PCSK5: variants seen among roughly 807,000 people sequenced by gnomAD.
PCSK5 encodes prohormone convertase 5.
PCSK5 carries 129 observed loss-of-function variants against 233.2 expected under a neutral mutation model. That is an observed-to-expected ratio of 0.55 (90% CI 0.48 to 0.64). PCSK5 has a LOEUF of 0.64. Among genes scored for constraint, PCSK5 ranks in the 30% least tolerant of loss-of-function variants. PCSK5 has a pLI of 0.00. For synonymous variants in PCSK5, 825 were observed against 879.2 expected (o/e 0.94, Z 1.09); for missense variants, 2,076 against 2,430.1 (o/e 0.85, Z 3.06).
At chr9:76,194,240 A>T (rs1342409951) in intron 20 of PCSK5, 3 of 145,558 alleles carry the variant, frequency 2.1e-5, no homozygotes, top group African/African-American at 7.6e-5. Context: ...CATTACCCCC[A>T]TTTTTTTTTT....
Position 76,190,263 on chromosome 9 carries a change from A to G in PCSK5, c.2626+517A>G, listed in dbSNP as rs1824307093. ...AACATGTATGCAACATTATAGCGCC[A>G]TGCAAAGTAGTTTTACTGCCCTGAA... is the stretch of plus-strand genomic sequence containing the variant. On this transcript the variant is annotated intron_variant, in intron 20 of 37. Coordinates refer to ENST00000674117, the MANE Select transcript of PCSK5 (RefSeq NM_001372043.1). Among the ~76,000 whole-genome samples the G allele has an allele frequency of 1.3e-5, 2 of 151,850 alleles. 1 individual carries two copies.
At chr9:76,064,338 G>A (rs1181404302) in intron 5 of PCSK5, among the ~76,000 whole-genome samples, 2 of 108,338 alleles carry the variant, frequency 1.8e-5, no homozygotes, top group South Asian at 7.4e-4. Context: ...CTCCCGGACG[G>A]GGCGGCTGGC....
chr9:76,258,490 G>GTGT (rs1028212465), intron 24 of PCSK5, among the ~76,000 whole-genome samples: 5 of 152,142 alleles, frequency 3.3e-5, no homozygotes, highest in Admixed American at 3.3e-4. Flanking sequence ...CAGATTTATT[G>GTGT]TGTTCAGCAG....
intron 20 of PCSK5, among the ~76,000 whole-genome samples, chr9:76,223,977 A>G (rs931054198): frequency 6.6e-6 from 1 of 152,206 alleles, no homozygotes; most frequent in African/African-American, 2.4e-5. Context: ...CTAATTAAAC[A>G]TCTACGTAAA....
intron 24 of PCSK5, among the ~76,000 whole-genome samples, chr9:76,241,144 A>T (rs1826417581): frequency 6.6e-6 from 1 of 152,214 alleles, no homozygotes; most frequent in Non-Finnish European, 1.5e-5. Context: ...TTTCCTTTAT[A>T]AAAATGACTC....
chr9:76,255,553 G>A (rs1162097110), intron 24 of PCSK5, among the ~76,000 whole-genome samples: 1 of 152,176 alleles, frequency 6.6e-6, no homozygotes, highest in Non-Finnish European at 1.5e-5. Context: ...AGGCTCAGTG[G>A]CTTACACCTG....
At chr9:76,164,694 CT>C (rs1228712705) in intron 12 of PCSK5, among the ~76,000 whole-genome samples, 1 of 152,202 alleles carries the variant, frequency 6.6e-6, no homozygotes, top group Non-Finnish European at 1.5e-5. Flanking sequence ...GATCATCCAG[CT>C]TTTTCATACA....
chr9:76,236,419 C>T (rs1204560923), intron 22 of PCSK5, among the ~76,000 whole-genome samples: 1 of 152,204 alleles, frequency 6.6e-6, no homozygotes, highest in Non-Finnish European at 1.5e-5. Context: ...CCTATTATCC[C>T]ATTTGAACTC....
intron 9 of PCSK5, among the ~76,000 whole-genome samples, chr9:76,115,550 G>T (rs1832389974): frequency 6.6e-6 from 1 of 152,034 alleles, no homozygotes; most frequent in Non-Finnish European, 1.5e-5. Context: ...TCTCTTGAGG[G>T]TTTGTGGATT....
chr9:76,002,381 G>A lies in PCSK5; in HGVS notation c.411+16136G>A, dbSNP rs142384778. ...CATATATCAAAATTATGTGATACAGGAGAGGATTTTTTTGCATGCAAATGA... is the reference window on the plus strand; with the variant it reads ...CATATATCAAAATTATGTGATACAGAAGAGGATTTTTTTGCATGCAAATGA... On this transcript the variant is annotated intron_variant, in intron 3 of 37. Coordinates refer to ENST00000674117, the MANE Select transcript of PCSK5 (RefSeq NM_001372043.1). 2.0e-5 allele frequency among the ~76,000 whole-genome samples: 3 copies of A among 152,264 alleles called. No individual in the cohort carries two copies. The East Asian group carries it at 5.8e-4, about 29-fold the overall frequency.
At chr9:76,125,530 A>G (rs1832813375) in intron 9 of PCSK5, among the ~76,000 whole-genome samples, 1 of 152,228 alleles carries the variant, frequency 6.6e-6, no homozygotes, top group Non-Finnish European at 1.5e-5. Flanking sequence ...TAATAACAGT[A>G]TTTGTCTCAC....
intron 2 of PCSK5, among the ~76,000 whole-genome samples, chr9:75,970,975 G>A (rs1825793183): frequency 6.6e-6 from 1 of 152,078 alleles, no homozygotes; most frequent in African/African-American, 2.4e-5. Context: ...GTGCAGGTTT[G>A]TTAATAGATA....
intron 1 of PCSK5, among the ~76,000 whole-genome samples, chr9:75,923,842 C>T (rs1383884077): frequency 6.6e-6 from 1 of 152,180 alleles, no homozygotes; most frequent in Non-Finnish European, 1.5e-5. Flanking sequence ...TATCTGCATT[C>T]CTTGGCTTGT....
intron 9 of PCSK5, among the ~76,000 whole-genome samples, chr9:76,124,587 TA>T (rs1394634577): frequency 6.6e-6 from 1 of 151,304 alleles, no homozygotes; most frequent in East Asian, 2.0e-4. Flanking sequence ...TCTACTAAAA[TA>T]CAAAAAATTA....
intron 10 of PCSK5, among the ~76,000 whole-genome samples, chr9:76,139,363 C>T (rs756725209): frequency 2.6e-5 from 4 of 152,072 alleles, no homozygotes; most frequent in South Asian, 2.1e-4. Flanking sequence ...ATTCCATCTT[C>T]GCCACCTACT....
At chr9:76,220,864 TC>T (rs1252388051) in intron 20 of PCSK5, among the ~76,000 whole-genome samples, 6 of 152,148 alleles carry the variant, frequency 3.9e-5, no homozygotes, top group Non-Finnish European at 7.4e-5. Flanking sequence ...CTCGAACTTA[TC>T]CCTCCTGTCT....
At chr9:76,257,658 C>T (rs932755453) in intron 24 of PCSK5, among the ~76,000 whole-genome samples, 2 of 152,282 alleles carry the variant, frequency 1.3e-5, no homozygotes, top group Admixed American at 1.3e-4. Flanking sequence ...GGGGACTAAA[C>T]GCTGCGGCAA....
At chr9:76,184,530 T>C (rs1824014203) in intron 16 of PCSK5, 143 bp from the exon 17 acceptor site, 1 of 534,034 alleles carries the variant, frequency 1.9e-6, no homozygotes, top group East Asian at 3.1e-5. Flanking sequence ...TGATAACAAA[T>C]AGTGATTCTG....
At position 76,360,775 on chromosome 9, in the gene PCSK5, G is replaced by A. The variant is rs1278424945; in HGVS notation, c.*1853G>A. On this transcript the variant is annotated 3_prime_UTR_variant, in exon 38 of 38. Coordinates refer to ENST00000674117, the MANE Select transcript of PCSK5 (RefSeq NM_001372043.1). ...GAATGCAGCTGGTACATAACGGATGGGTGAGCTGTGCTTCAATAAAACCTT... is the reference window on the plus strand; with the variant it reads ...GAATGCAGCTGGTACATAACGGATGAGTGAGCTGTGCTTCAATAAAACCTT... 3 of 152,098 alleles carry A rather than the reference G, an allele frequency of 2.0e-5. No homozygotes were observed. The highest frequency in any genetic ancestry group is 2.1e-4 in the South Asian group (1 of 4,828). The allele number at this position is 152,098 out of a possible 1,614,324, so 9.4% of individuals were successfully genotyped here.
Sources: gnomAD v4.1 joint callset for allele counts (sites outside exome capture counted in the v4.1 genomes callset) on GRCh38, gnomAD v4.1.1 for gene constraint, MANE v1.5 for transcripts, NCBI Gene and HGNC (gene_info 2026-07-23, HGNC 2026-07-21) for gene names.